The following DNAH14 variants were observed in gnomAD, a reference collection of about 807,000 sequenced individuals.
DNAH14 encodes dynein axonemal heavy chain 14.
DNAH14 carries 478 observed loss-of-function variants against 520.9 expected under a neutral mutation model. That is an observed-to-expected ratio of 0.92 (90% CI 0.85 to 0.99). The LOEUF (loss-of-function observed/expected upper bound fraction) is 0.99. Ranked by LOEUF, DNAH14 falls within the 50% of genes least tolerant of loss-of-function variation. The pLI, the probability that DNAH14 is intolerant of heterozygous loss-of-function variation, is 0.00. For synonymous variants in DNAH14, 1,581 were observed against 1,757.2 expected, an observed-to-expected ratio of 0.90 and a Z score of 2.51; for missense variants, 4,831 against 5,234.5, an observed-to-expected ratio of 0.92 and a Z score of 2.38.
chr1:225,140,741 A>G (rs1465522006), intron 27 of DNAH14, 27 bp from the exon 28 acceptor site: 2 of 1,398,288 alleles, frequency 1.4e-6, no homozygotes, highest in Admixed American at 2.0e-5. Flanking sequence ...AGAGAGATAT[A>G]TATATAACAT....
At chr1:225,357,109 C>T (rs2095437972) in intron 73 of DNAH14, among the ~76,000 whole-genome samples, 1 of 152,076 alleles carries the variant, frequency 6.6e-6, no homozygotes, top group Admixed American at 6.6e-5. Context: ...CTCAGAGTTC[C>T]ATGAAGGCAA....
intron 27 of DNAH14, among the ~76,000 whole-genome samples, chr1:225,124,430 T>G (rs954668743): frequency 1.3e-5 from 2 of 152,214 alleles, no homozygotes; most frequent in Admixed American, 1.3e-4. Flanking sequence ...TCAACTAAGT[T>G]TATGTAATAT....
chr1:225,386,284 A>G (rs1166237895), intron 81 of DNAH14, among the ~76,000 whole-genome samples: 1 of 152,252 alleles, frequency 6.6e-6, no homozygotes. Flanking sequence ...ACTCTAGAAG[A>G]AAACCTAGGC....
chr1:225,162,056 G>A (rs2081568082), intron 35 of DNAH14, among the ~76,000 whole-genome samples: 1 of 152,076 alleles, frequency 6.6e-6, no homozygotes, highest in Non-Finnish European at 1.5e-5. Context: ...TGTGCTTGTG[G>A]GGTATTACTC....
chr1:225,048,055 C>T (rs1337340367), intron 15 of DNAH14, among the ~76,000 whole-genome samples: 1 of 152,166 alleles, frequency 6.6e-6, no homozygotes, highest in Non-Finnish European at 1.5e-5. Flanking sequence ...CTTGTGCAGC[C>T]CTTTTGTAGT....
chr1:225,058,056 G>A (rs1349951766), intron 17 of DNAH14, among the ~76,000 whole-genome samples: 1 of 152,136 alleles, frequency 6.6e-6, no homozygotes, highest in Non-Finnish European at 1.5e-5. Context: ...AAATGAGTTA[G>A]GGAGGATTCC....
At chr1:224,966,084 T>C (rs1247309094) in intron 5 of DNAH14, among the ~76,000 whole-genome samples, 2 of 152,150 alleles carry the variant, frequency 1.3e-5, no homozygotes, top group East Asian at 3.8e-4. Context: ...AGAATATAGA[T>C]AACTCAAATG....
At chr1:225,044,781 C>G (rs2148245097) in intron 15 of DNAH14, among the ~76,000 whole-genome samples, 1 of 152,018 alleles carries the variant, frequency 6.6e-6, no homozygotes. Flanking sequence ...AATTTTTTAC[C>G]CAGTCCATTT....
chr1:225,316,062 A>C (rs1015994997), intron 60 of DNAH14, among the ~76,000 whole-genome samples: 4 of 152,352 alleles, frequency 2.6e-5, no homozygotes, highest in South Asian at 4.1e-4. Flanking sequence ...GACAGGAGGT[A>C]TCTAGAGAGA....
chr1:225,038,866 T>C (rs1428929736), intron 12 of DNAH14, 43 bp downstream of exon 12: 8 of 1,410,360 alleles, frequency 5.7e-6, no homozygotes, highest in Middle Eastern at 1.9e-4. Flanking sequence ...TTTTTTGCTA[T>C]AAAATGAATA....
intron 3 of DNAH14, among the ~76,000 whole-genome samples, chr1:224,959,924 G>T (rs1203345422): frequency 1.3e-5 from 2 of 152,074 alleles, no homozygotes; most frequent in African/African-American, 4.8e-5. Context: ...CATTTCAAAG[G>T]TGAGGAAAGC....
In DNAH14 at chr1:225,205,966, T is replaced by C; in HGVS notation, c.5978-5T>C. Reference sequence around the variant, plus strand: ...CAGTTACATTAAAAATATTTTTCTCTCCAGATTTTGATTGGCAGTGGATTA... The same window carrying C: ...CAGTTACATTAAAAATATTTTTCTCCCCAGATTTTGATTGGCAGTGGATTA... On this transcript the variant is annotated splice_region_variant and splice_polypyrimidine_tract_variant and intron_variant, in intron 39 of 85. Transcript: ENST00000682510. 6.5e-7 allele frequency: 1 copy of C among 1,548,546 alleles called. No individual in the cohort carries two copies. Among genetic ancestry groups the C allele is most frequent in the Admixed American group, 2.0e-5 (1 of 50,574 alleles).
At chr1:224,976,417 A>G (rs2061845787) in intron 8 of DNAH14, among the ~76,000 whole-genome samples, 1 of 152,192 alleles carries the variant, frequency 6.6e-6, no homozygotes, top group Admixed American at 6.6e-5. Flanking sequence ...CATTCAGGAC[A>G]TAGGCTTGGG....
chr1:225,278,612 C>G (rs2093551660), intron 54 of DNAH14, among the ~76,000 whole-genome samples: 1 of 152,108 alleles, frequency 6.6e-6, no homozygotes, highest in South Asian at 2.1e-4. Flanking sequence ...AATCATCTGT[C>G]TCCACATTTA....
intron 73 of DNAH14, among the ~76,000 whole-genome samples, chr1:225,356,258 C>T (rs1282566245): frequency 6.6e-6 from 1 of 152,156 alleles, no homozygotes; most frequent in African/African-American, 2.4e-5. Context: ...ATCCAGATTT[C>T]TGGCCTTAGG....
chr1:225,257,420 T>C (rs904039217), intron 44 of DNAH14, among the ~76,000 whole-genome samples: 3 of 152,240 alleles, frequency 2.0e-5, no homozygotes, highest in African/African-American at 7.2e-5. Context: ...GGAAGACTTT[T>C]AAGAGTAATG....
chr1:225,314,432 A>G (rs1034495273), intron 60 of DNAH14, among the ~76,000 whole-genome samples: 2 of 152,216 alleles, frequency 1.3e-5, no homozygotes, highest in African/African-American at 4.8e-5. Context: ...TAGCCCATTT[A>G]CATTTAAAGT....
Position 225,192,878 on chromosome 1 carries a change from C to A in DNAH14, c.5853C>A (p.Leu1951=), listed in dbSNP as rs1420983452. 1 of 1,549,340 alleles carries A rather than the reference C, an allele frequency of 6.5e-7. No individual in the cohort carries two copies. Among genetic ancestry groups the A allele is most frequent in the Non-Finnish European group, 8.7e-7 (1 of 1,145,738 alleles). Residue 1951 remains leucine, a synonymous_variant, in exon 38 of 86, where the codon CTC becomes CTA. Coordinates refer to ENST00000682510, the MANE Select transcript of DNAH14 (RefSeq NM_001367479.1). ...TPKNTKKDID[L]RLKSRISDLS... ...AGAACACAAAGAAAGACATTGATCTCAGACTAAAGTCAAGAATCTCAGATT... is the reference window on the plus strand; with the variant it reads ...AGAACACAAAGAAAGACATTGATCTAAGACTAAAGTCAAGAATCTCAGATT...
At chr1:225,221,537 A>C (rs556300066) in intron 41 of DNAH14, among the ~76,000 whole-genome samples, 1 of 152,358 alleles carries the variant, frequency 6.6e-6, no homozygotes, top group East Asian at 1.9e-4. Context: ...TGCAGCCAAC[A>C]AACATGAAAA....
Sources: allele counts gnomAD v4.1 joint callset (sites outside exome capture counted in the v4.1 genomes callset), GRCh38; gene constraint gnomAD v4.1.1; transcripts MANE v1.5; gene names NCBI Gene and HGNC (gene_info 2026-07-23, HGNC 2026-07-21).